KIF13A: variants seen among roughly 807,000 people sequenced by gnomAD.
KIF13A encodes kinesin-like protein KIF13A.
In KIF13A, 79 loss-of-function variants were observed where a neutral mutation model predicts 212.2. The observed-to-expected ratio is 0.37, with a 90% CI of 0.31 to 0.45. The LOEUF is 0.45. KIF13A is among the 20% of genes least tolerant of loss of function. The probability of loss-of-function intolerance (pLI) is 1.00; values close to 1 mark genes in which losing one functional copy is unlikely to be tolerated. For synonymous variants in KIF13A, 789 were observed against 808.6 expected, an observed-to-expected ratio of 0.98 and a Z score of 0.41; for missense variants, 1,901 against 2,209.0, an observed-to-expected ratio of 0.86 and a Z score of 2.79.
chr6:17,851,924 T>C, intron 7 of KIF13A, 31 bp downstream of exon 7: 1 of 1,206,434 alleles, frequency 8.3e-7, no homozygotes, highest in Non-Finnish European at 1.1e-6. Flanking sequence ...TATAGTCAGC[T>C]TTTAATCACA....
chr6:17,975,415 T>C (rs1469018569), intron 2 of KIF13A, among the ~76,000 whole-genome samples: 2 of 152,156 alleles, frequency 1.3e-5, no homozygotes, highest in Non-Finnish European at 2.9e-5. Context: ...AGTTTTTTCC[T>C]TTTGGTGGGT....
At chr6:17,985,143 C>T (rs1462690030) in intron 2 of KIF13A, among the ~76,000 whole-genome samples, 2 of 152,194 alleles carry the variant, frequency 1.3e-5, no homozygotes, top group African/African-American at 4.8e-5. Flanking sequence ...CAGAATCCCA[C>T]AGAAAGCTCA....
At chr6:17,909,797 G>A (rs1282675724) in intron 2 of KIF13A, among the ~76,000 whole-genome samples, 1 of 152,056 alleles carries the variant, frequency 6.6e-6, no homozygotes, top group Non-Finnish European at 1.5e-5. Context: ...GGGAGGCTGA[G>A]GCAGGAGAAC....
intron 2 of KIF13A, among the ~76,000 whole-genome samples, chr6:17,960,331 G>A (rs578008869): frequency 6.6e-6 from 1 of 152,294 alleles, no homozygotes; most frequent in East Asian, 1.9e-4. Context: ...AAACACTAAT[G>A]GACCAGCCTC....
intron 2 of KIF13A, among the ~76,000 whole-genome samples, chr6:17,965,770 T>C (rs759048465): frequency 1.5e-4 from 23 of 152,258 alleles, no homozygotes; most frequent in Non-Finnish European, 2.9e-4. Context: ...TCTTTAGTCA[T>C]AATTTTAGAT....
Position 17,775,743 on chromosome 6 carries a change from G to C in KIF13A, c.4171-681C>G, listed in dbSNP as rs976310870. Among the ~76,000 whole-genome samples, 201 of 152,242 alleles carry C rather than the reference G, an allele frequency of 1.3e-3. 1 individual carries two copies. The highest frequency in any genetic ancestry group is 4.6e-3 in the African/African-American group (191 of 41,538). ...TTGTTGGCATAACATCAAGTTATGA[G>C]GTCTCGCTATGTTGCCCAGGCTGGT... On this transcript the variant is annotated intron_variant, in intron 34 of 38. Transcript: ENST00000259711.
At chr6:17,873,479 C>T in intron 3 of KIF13A, 42 bp from the exon 4 acceptor site, 3 of 1,318,184 alleles carry the variant, frequency 2.3e-6, no homozygotes, top group South Asian at 1.3e-5. Flanking sequence ...GATTAATTAA[C>T]TTCTTATGAG....
intron 2 of KIF13A, among the ~76,000 whole-genome samples, chr6:17,977,389 A>G (rs188102523): frequency 2.0e-3 from 309 of 152,240 alleles, no homozygotes; most frequent in African/African-American, 7.1e-3. Context: ...TGTGCTGGCA[A>G]TCATGAGAAG....
chr6:17,859,784 C>A (rs909686254), intron 4 of KIF13A, among the ~76,000 whole-genome samples: 2 of 151,458 alleles, frequency 1.3e-5, no homozygotes, highest in African/African-American at 4.8e-5. Flanking sequence ...TACAGGTATG[C>A]AACACCAAGC....
rs1021749340 is a variant in KIF13A at position 17,888,145 on chromosome 6, T to C, written c.159+10023A>G. ...CACAAAGTACTGAAGTAGTGAATGA[T>C]GATGTTACCATAATCTATTTTCCAC... On this transcript the variant is annotated intron_variant, in intron 3 of 38. Transcript: ENST00000259711. The surrounding 1 kb of genome is among the most constrained non-coding windows in gnomAD (Gnocchi z 4.8). 6.6e-6 allele frequency among the ~76,000 whole-genome samples: 1 copy of C among 152,212 alleles called. No individual in the cohort carries two copies. Among genetic ancestry groups the C allele is most frequent in the Non-Finnish European group, 1.5e-5 (1 of 68,042 alleles).
chr6:17,789,260 G>A lies in KIF13A; in HGVS notation c.3261+612C>T, dbSNP rs75633159. 3.2e-3 allele frequency among the ~76,000 whole-genome samples: 480 copies of A among 152,270 alleles called. 21 individuals carry two copies. In the East Asian group the frequency reaches 0.079, roughly 25 times the overall value. On this transcript the variant is annotated intron_variant, in intron 26 of 38. Coordinates refer to ENST00000259711, the MANE Select transcript of KIF13A (RefSeq NM_022113.6). The surrounding 1 kb of genome is among the most constrained non-coding windows in gnomAD (Gnocchi z 4.8). ...TCTAGATTCCCAACCAGAAAAAGCT[G>A]AGATTTAAATTCTATAGGTTATGGA...
At chr6:17,857,693 G>T (rs1055187188) in intron 4 of KIF13A, among the ~76,000 whole-genome samples, 1 of 152,132 alleles carries the variant, frequency 6.6e-6, no homozygotes, top group Non-Finnish European at 1.5e-5. Flanking sequence ...ATTTTCATAA[G>T]CTGCATATGG....
intron 16 of KIF13A, among the ~76,000 whole-genome samples, chr6:17,817,833 A>T (rs77511887): frequency 0.042 from 6,421 of 152,284 alleles, 338 homozygotes; most frequent in African/African-American, 0.12. Context: ...CACTTGCAAA[A>T]ATAATAAAAA....
chr6:17,838,858 A>T lies in KIF13A; in HGVS notation c.831-1275T>A, dbSNP rs1766237938. 6.6e-6 allele frequency among the ~76,000 whole-genome samples: 1 copy of T among 152,136 alleles called. No homozygotes were observed. Among genetic ancestry groups the T allele is most frequent in the Non-Finnish European group, 1.5e-5 (1 of 68,016 alleles). ...GAGATGGAATCTCGCTCTGTCACCC[A>T]GGCTGGAGTTCAGTGGCATGATATG... is the stretch of plus-strand genomic sequence containing the variant. On this transcript the variant is annotated intron_variant, in intron 9 of 38. Coordinates refer to ENST00000259711, the MANE Select transcript of KIF13A (RefSeq NM_022113.6). This position sits in a 1 kb window ranked among gnomAD's most constrained non-coding sequence, Gnocchi z 4.2.
rs1165263482 is a variant in KIF13A at position 17,808,808 on chromosome 6, G to A, written c.2123C>T (p.Thr708Ile). The A allele has an allele frequency of 2.5e-6, 4 of 1,613,884 alleles. No individual in the cohort carries two copies. Among genetic ancestry groups the A allele is most frequent in the Admixed American group, 1.7e-5 (1 of 60,004 alleles). The change falls in exon 18 of 39, where the codon ACT becomes ATT. Residue 708 changes from threonine to isoleucine, a missense_variant. Around this residue, in one of 5 missense-constraint regions of KIF13A, gnomAD observed 534 missense variants for 536.9 expected, o/e 0.99. Transcript: ENST00000259711. ...GAGGTTTGCAGCAGGGATCTGAAGA[G>A]TCACTTGGTAATCGGTGAGTTTGCT... ...EMSKLTDYQV[T>I]LQIPAANLSA...
intron 32 of KIF13A, 105 bp from the exon 33 acceptor site, chr6:17,779,204 CATTATTT>C: frequency 2.8e-6 from 2 of 705,620 alleles, no homozygotes; most frequent in Non-Finnish European, 4.6e-6. Flanking sequence ...ACACATTCTC[CATTATTT>C]AGATACTGAT....
chr6:17,842,129 G>A (rs1766589473), intron 9 of KIF13A, among the ~76,000 whole-genome samples: 1 of 151,804 alleles, frequency 6.6e-6, no homozygotes, highest in Non-Finnish European at 1.5e-5. Flanking sequence ...GCTCACTGCA[G>A]CCTTGATCTC....
chr6:17,945,407 T>A (rs1777300078), intron 2 of KIF13A, among the ~76,000 whole-genome samples: 1 of 152,138 alleles, frequency 6.6e-6, no homozygotes, highest in Non-Finnish European at 1.5e-5. Context: ...GAGCTGCTAA[T>A]GTTATTTTTT....
intron 20 of KIF13A, among the ~76,000 whole-genome samples, chr6:17,803,273 G>A (rs2150336905): frequency 6.6e-6 from 1 of 151,978 alleles, no homozygotes; most frequent in East Asian, 1.9e-4. Flanking sequence ...TTAGACATGG[G>A]GTCTCATAGT....
Sources: allele counts gnomAD v4.1 joint callset (sites outside exome capture counted in the v4.1 genomes callset), GRCh38; gene constraint gnomAD v4.1.1; regional missense constraint gnomAD v4.1.1; non-coding constraint Gnocchi (gnomAD v3.1); transcripts MANE v1.5; gene names NCBI Gene and HGNC (gene_info 2026-07-23, HGNC 2026-07-21).